Variants in SAA4 observed in about 807,000 individuals in gnomAD.
SAA4 encodes the protein serum amyloid A4, constitutive.
In SAA4, 8 loss-of-function variants were observed where a neutral mutation model predicts 11.2. That is an observed-to-expected ratio of 0.71 (90% confidence interval 0.42 to 1.29). SAA4 has a LOEUF of 1.29. SAA4 is among the 50% of genes most tolerant of loss of function. The pLI is 0.01. For missense variants in SAA4, 171 were observed against 164.2 expected, an observed-to-expected ratio of 1.04 and a Z score of -0.23; for synonymous variants, 60 against 56.2, an observed-to-expected ratio of 1.07 and a Z score of -0.30.
chr11:18,233,265 G>T (rs1321214599), intron 2 of SAA4, among the ~76,000 whole-genome samples: 4 of 152,158 alleles, frequency 2.6e-5, no homozygotes, highest in African/African-American at 9.7e-5. Context: ...ACATTCTTCA[G>T]TTGGGGGGAA....
Position 18,235,863 on chromosome 11 carries a change from G to A in SAA4, c.64C>T (p.Arg22Cys), listed in dbSNP as rs753574341. Residue 22 changes from arginine to cysteine, a missense_variant, in exon 2 of 4, where the codon CGT becomes TGT. Transcript: ENST00000278222. ...LVMGVTSESW[R>C]SFFKEALQGV... is the part of the protein sequence containing the mutation. ...TGGAGAGCCTCCTTGAAAAACGAACGCCAGCTTTCACTGGTGACTCCCATG... is the reference window on the plus strand; with the variant it reads ...TGGAGAGCCTCCTTGAAAAACGAACACCAGCTTTCACTGGTGACTCCCATG... The A allele has an allele frequency of 4.3e-6, 7 of 1,613,336 alleles. No homozygotes were observed. The highest frequency in any genetic ancestry group is 1.1e-5 in the South Asian group (1 of 91,056).
chr11:18,236,023 T>C, intron 1 of SAA4, 93 bp from the exon 2 acceptor site: 1 of 1,273,186 alleles, frequency 7.9e-7, no homozygotes, highest in East Asian at 2.6e-5. Context: ...TTTCTTTCTT[T>C]TTTTCCTTTT....
chr11:18,231,536 C>A lies in SAA4; in HGVS notation c.359G>T (p.Arg120Leu). The A allele has an allele frequency of 6.2e-7, 1 of 1,613,802 alleles. No homozygotes were observed. Among genetic ancestry groups the A allele is most frequent in the Non-Finnish European group, 8.5e-7 (1 of 1,180,004 alleles). Residue 120 changes from arginine to leucine, a missense_variant, in exon 4 of 4, where the codon CGC (arginine) becomes CTC (leucine). Physicochemically the swap from Arg to Leu is moderately radical, Grantham distance 102. Coordinates refer to ENST00000278222, the MANE Select transcript of SAA4 (RefSeq NM_006512.4). ...EWGRSGKDPD[R>L]FRPDGLPKKY Reference sequence around the variant, plus strand: ...CTTAGGCAGGCCGTCAGGTCTGAAGCGGTCGGGGTCTTTGCCACTCCGGCC... The same window carrying A: ...CTTAGGCAGGCCGTCAGGTCTGAAGAGGTCGGGGTCTTTGCCACTCCGGCC...
chr11:18,234,682 G>T (rs1590006468), intron 2 of SAA4, among the ~76,000 whole-genome samples: 1 of 152,170 alleles, frequency 6.6e-6, no homozygotes, highest in East Asian at 1.9e-4. Context: ...ATTATTTTGT[G>T]TCTGTAATTT....
In SAA4 at chr11:18,234,738, A is replaced by T. The variant is rs180828920; in HGVS notation, c.91+1098T>A. On this transcript the variant is annotated intron_variant, in intron 2 of 3. Transcript: ENST00000278222. ...GCATGGCATGACTGTCCTTTCTCTG[A>T]TGCATGCTTTATGTTCATTCTATGT... 2.6e-5 allele frequency among the ~76,000 whole-genome samples: 4 copies of T among 152,272 alleles called. No individual in the cohort carries two copies. In the East Asian group the frequency reaches 7.7e-4, roughly 29 times the overall value.
chr11:18,236,020 C>T (rs1857203676), intron 1 of SAA4, 90 bp from the exon 2 acceptor site: 2 of 1,250,612 alleles, frequency 1.6e-6, no homozygotes, highest in Admixed American at 5.5e-5. Context: ...TTTTTTCTTT[C>T]TTTTTTTCCT....
intron 2 of SAA4, among the ~76,000 whole-genome samples, chr11:18,232,955 T>A (rs1053649158): frequency 2.6e-5 from 4 of 152,220 alleles, no homozygotes; most frequent in African/African-American, 7.2e-5. Context: ...TGGAGAATAG[T>A]ACTACAGATG....
intron 2 of SAA4, among the ~76,000 whole-genome samples, chr11:18,234,980 C>T (rs887095090): frequency 6.6e-6 from 1 of 152,098 alleles, no homozygotes; most frequent in Non-Finnish European, 1.5e-5. Context: ...AAACACCGGC[C>T]GATTTAAATG....
chr11:18,231,590 G>C lies in SAA4; in HGVS notation c.305C>G (p.Ser102Trp), dbSNP rs117979626. The C allele has an allele frequency of 1.2e-6, 2 of 1,614,018 alleles. No individual in the cohort carries two copies. Among genetic ancestry groups the C allele is most frequent in the Non-Finnish European group, 1.7e-6 (2 of 1,180,036 alleles). The part of the protein sequence containing the change: ...FGNSSTVLED[S>W]KSNEKAEEWG... ...TTCCTCAGCTTTCTCGTTGGACTTC[G>C]AGTCCTCCAATACAGTGCTGCTGTT... The change falls in exon 4 of 4, where the codon TCG becomes TGG. Residue 102 changes from serine to tryptophan, a missense_variant. Transcript: ENST00000278222.
chr11:18,235,425 T>C (rs559510608), intron 2 of SAA4, among the ~76,000 whole-genome samples: 1 of 152,306 alleles, frequency 6.6e-6, no homozygotes, highest in East Asian at 1.9e-4. Flanking sequence ...GCCATTTGCT[T>C]GGGTACAGGA....
At chr11:18,235,365 T>C (rs1857194299) in intron 2 of SAA4, among the ~76,000 whole-genome samples, 1 of 147,970 alleles carries the variant, frequency 6.8e-6, no homozygotes, top group South Asian at 2.2e-4. Context: ...TTTTTATTTA[T>C]GGATAGAAGT....
At chr11:18,236,311 T>C (rs1057234605) in intron 1 of SAA4, among the ~76,000 whole-genome samples, 1 of 151,734 alleles carries the variant, frequency 6.6e-6, no homozygotes, top group Non-Finnish European at 1.5e-5. Flanking sequence ...CAAGCAATCT[T>C]CCTACCTCAA....
intron 2 of SAA4, among the ~76,000 whole-genome samples, chr11:18,233,121 C>G (rs113351672): frequency 6.6e-6 from 1 of 152,076 alleles, no homozygotes; most frequent in South Asian, 2.1e-4. Flanking sequence ...ACAAGAAAGC[C>G]GAGGGAATGG....
At chr11:18,236,058 T>C in intron 1 of SAA4, 128 bp from the exon 2 acceptor site, 2 of 955,530 alleles carry the variant, frequency 2.1e-6, no homozygotes, top group Non-Finnish European at 1.5e-6. Flanking sequence ...CCTTTCTTTC[T>C]TTCCTCCCTT....
intron 3 of SAA4, 124 bp downstream of exon 3, chr11:18,232,271 G>A (rs1408683890): frequency 2.8e-6 from 4 of 1,429,392 alleles, no homozygotes; most frequent in Non-Finnish European, 3.8e-6. Context: ...CCTTGCTCTG[G>A]CTCTGCCAGC....
intron 3 of SAA4, 26 bp downstream of exon 3, chr11:18,232,369 C>G: frequency 6.2e-7 from 1 of 1,611,718 alleles, no homozygotes; most frequent in South Asian, 1.1e-5. Flanking sequence ...TGGCCTCTCA[C>G]TGGAGTCCCC....
chr11:18,231,968 G>A (rs1248470212), intron 3 of SAA4, among the ~76,000 whole-genome samples: 1 of 141,806 alleles, frequency 7.1e-6, no homozygotes, highest in African/African-American at 2.6e-5. Context: ...CTGCAGCCTC[G>A]ACCTCCTGGG....
chr11:18,232,263 T>C, intron 3 of SAA4, 132 bp downstream of exon 3: 2 of 1,374,306 alleles, frequency 1.5e-6, no homozygotes, highest in Non-Finnish European at 2.0e-6. Flanking sequence ...TTCACCAGCC[T>C]TGCTCTGGCT....
intron 3 of SAA4, 150 bp downstream of exon 3, chr11:18,232,245 G>C: frequency 9.1e-6 from 11 of 1,204,392 alleles, no homozygotes; most frequent in Non-Finnish European, 1.2e-5. Context: ...GGTGAAAGGA[G>C]ACATGTCTTC....
Sources: allele counts gnomAD v4.1 joint callset (sites outside exome capture counted in the v4.1 genomes callset), GRCh38; gene constraint gnomAD v4.1.1; transcripts MANE v1.5; gene names NCBI Gene and HGNC (gene_info 2026-07-23, HGNC 2026-07-21).